The following HSH2D variants were observed in gnomAD, a reference collection of about 807,000 sequenced individuals.
HSH2D encodes the protein hematopoietic SH2 domain-containing protein.
A neutral mutation model predicts 21.5 loss-of-function variants in HSH2D; 16 were observed. That is an observed-to-expected ratio of 0.74 (90% confidence interval 0.50 to 1.13). The LOEUF is 1.13. Ranked by LOEUF, HSH2D falls within the 50% of genes most tolerant of loss-of-function variation. The pLI is 0.00. For synonymous variants in HSH2D, 172 were observed against 184.7 expected, an observed-to-expected ratio of 0.93 and a Z score of 0.56; for missense variants, 418 against 441.4, an observed-to-expected ratio of 0.95 and a Z score of 0.47.
At chr19:16,138,130 A>T (rs1253530886) in intron 1 of HSH2D, among the ~76,000 whole-genome samples, 1 of 152,136 alleles carries the variant, frequency 6.6e-6, no homozygotes, top group Non-Finnish European at 1.5e-5. Flanking sequence ...GGCCTCCCAA[A>T]GTGCTAGAAT....
chr19:16,147,004 T>C (rs1469627006), intron 1 of HSH2D, among the ~76,000 whole-genome samples: 1 of 151,892 alleles, frequency 6.6e-6, no homozygotes, highest in Non-Finnish European at 1.5e-5. Context: ...TTTTGTATTT[T>C]TAGTAGAGAT....
In HSH2D at chr19:16,157,658, G is replaced by T; in HGVS notation, c.923G>T (p.Ser308Ile). 6.2e-7 allele frequency: 1 copy of T among 1,613,610 alleles called. No homozygotes were observed. The highest frequency in any genetic ancestry group is 8.5e-7 in the Non-Finnish European group (1 of 1,179,736). The part of the protein sequence containing the change: ...SCIEVTPGDR[S>I]WHQMVVRALS... ...ATTGAGGTGACCCCAGGGGACAGGA[G>T]TTGGCACCAAATGGTAGTGAGAGCC... Residue 308 changes from serine to isoleucine, a missense_variant, in exon 6 of 6, where the codon AGT (serine) becomes ATT (isoleucine). Transcript: ENST00000613986. The surrounding 1 kb of genome is among the most constrained non-coding windows in gnomAD (Gnocchi z 4.4).
At chr19:16,148,656 T>G (rs2091104145) in intron 1 of HSH2D, 68 bp from the exon 2 acceptor site, 1 of 1,516,184 alleles carries the variant, frequency 6.6e-7, no homozygotes, top group African/African-American at 1.4e-5. Context: ...ACCACAAGCT[T>G]CAAGAATAGA....
chr19:16,156,911 A>C (rs2091243757), intron 5 of HSH2D, among the ~76,000 whole-genome samples: 1 of 151,846 alleles, frequency 6.6e-6, no homozygotes, highest in Non-Finnish European at 1.5e-5. Flanking sequence ...GCTTGAACCC[A>C]GGAGGTGGAG....
chr19:16,154,907 C>G (rs1321094387), intron 5 of HSH2D: 2 of 165,792 alleles, frequency 1.2e-5, no homozygotes, highest in Non-Finnish European at 2.7e-5. Flanking sequence ...TCACATTACC[C>G]TGTTTATTCA....
At chr19:16,151,325 CAAAAAA>C in intron 2 of HSH2D, 6 of 106,630 alleles carry the variant, frequency 5.6e-5, no homozygotes, top group Admixed American at 1.4e-4. Context: ...AACTCCAACT[CAAAAAA>C]AAAAAAAAAA....
upstream of HSH2D, chr19:16,142,184 C>T (rs2145016690): frequency 1.3e-5 from 2 of 152,238 alleles, no homozygotes; most frequent in East Asian, 3.9e-4. Context: ...CCAGCCTGTC[C>T]AGGCTCAATT....
chr19:16,157,918 A>G lies in HSH2D; in HGVS notation c.*124A>G, dbSNP rs2091259342. 5 of 691,904 alleles carry G rather than the reference A, an allele frequency of 7.2e-6. No homozygotes were observed. Among genetic ancestry groups the G allele is most frequent in the Admixed American group, 2.9e-5 (1 of 34,030 alleles). 42.9% of individuals were successfully genotyped at this position (691,904 alleles called of 1,614,324 possible). On this transcript the variant is annotated 3_prime_UTR_variant, in exon 6 of 6. Transcript: ENST00000613986. The surrounding 1 kb of genome is among the most constrained non-coding windows in gnomAD (Gnocchi z 4.4). Reference sequence around the variant, plus strand: ...GGGTCTTCGGGAACCCGGGAAATGGAATAAAGATGTTTTTGGGGTCTGTTC... The same window carrying G: ...GGGTCTTCGGGAACCCGGGAAATGGGATAAAGATGTTTTTGGGGTCTGTTC...
At chr19:16,137,659 G>A (rs1265939306) in intron 1 of HSH2D, among the ~76,000 whole-genome samples, 1 of 151,706 alleles carries the variant, frequency 6.6e-6, no homozygotes, top group African/African-American at 2.4e-5. Flanking sequence ...ATGGCTCACT[G>A]CAGCCTCAAC....
rs1398720056 is a variant in HSH2D at position 16,153,060 on chromosome 19, G to T, written c.233G>T (p.Cys78Phe). 1 of 1,610,976 alleles carries T rather than the reference G, an allele frequency of 6.2e-7. No homozygotes were observed. The highest frequency in any genetic ancestry group is 8.5e-7 in the Non-Finnish European group (1 of 1,178,712). ...CTCCGCAGAGCCCAAAGCAGCTGCT[G>T]CCATTTCATGGTGAAGCTCTTGGAT... The part of the protein sequence containing the change: ...TLSYKAQSSC[C>F]HFMVKLLDDG... Residue 78 changes from cysteine to phenylalanine, a missense_variant, in exon 4 of 6, where the codon TGC becomes TTC. Transcript: ENST00000613986.
chr19:16,149,022 G>A, intron 2 of HSH2D, 147 bp downstream of exon 2: 1 of 839,340 alleles, frequency 1.2e-6, no homozygotes. Context: ...TCCCAGGCTT[G>A]AATCCTGCCA....
chr19:16,149,157 A>C (rs2091113444), intron 2 of HSH2D, among the ~76,000 whole-genome samples: 1 of 152,192 alleles, frequency 6.6e-6, no homozygotes, highest in African/African-American at 2.4e-5. Context: ...CACCTCGCCC[A>C]GGCCAAGCAT....
chr19:16,152,503 C>T (rs370423766), intron 2 of HSH2D, 49 bp from the exon 3 acceptor site: 7 of 1,207,730 alleles, frequency 5.8e-6, no homozygotes, highest in African/African-American at 4.6e-5. Flanking sequence ...CTAACTGGTA[C>T]GTGGGGCGGC....
intron 1 of HSH2D, among the ~76,000 whole-genome samples, chr19:16,135,167 G>A (rs2090953492): frequency 6.6e-6 from 1 of 152,132 alleles, no homozygotes. Context: ...AACTACTCAG[G>A]AGGCTGAGGC....
chr19:16,154,165 T>G (rs977203527), intron 4 of HSH2D, among the ~76,000 whole-genome samples: 3 of 151,778 alleles, frequency 2.0e-5, no homozygotes, highest in Admixed American at 1.3e-4. Context: ...GTGGCCTAGC[T>G]CCCAAGAACG....
chr19:16,150,747 A>C (rs1044378437), intron 2 of HSH2D, among the ~76,000 whole-genome samples: 4 of 151,636 alleles, frequency 2.6e-5, no homozygotes, highest in Non-Finnish European at 5.9e-5. Context: ...GGTTCTGGCT[A>C]CTCAGGAGGC....
intron 5 of HSH2D, among the ~76,000 whole-genome samples, chr19:16,156,937 G>A (rs1196243471): frequency 1.3e-5 from 2 of 151,590 alleles, no homozygotes; most frequent in African/African-American, 4.9e-5. Context: ...AGTGAGCCGA[G>A]ATTGTGCCAC....
intron 5 of HSH2D, chr19:16,154,722 G>A: frequency 2.5e-6 from 1 of 399,368 alleles, no homozygotes; most frequent in Non-Finnish European, 4.7e-6. Context: ...CATACCGTCT[G>A]TTGTTCAGAC....
rs1056671548 is a variant in HSH2D at position 16,157,734 on chromosome 19, G to A, written c.999G>A (p.Glu333=). The A allele has an allele frequency of 6.2e-7, 1 of 1,612,846 alleles. No individual in the cohort carries two copies. Among genetic ancestry groups the A allele is most frequent in the Non-Finnish European group, 8.5e-7 (1 of 1,179,710 alleles). ...AGCACCAGGGCTTGGCAGAGCCTGA[G>A]AACGACCAGCTCCCGGAGGAGTACC... ...KPEHQGLAEP[E]NDQLPEEYQQ... Residue 333 remains glutamate, a synonymous_variant, in exon 6 of 6, where the codon GAG becomes GAA. Coordinates refer to ENST00000613986, the MANE Select transcript of HSH2D (RefSeq NM_001382417.1). This position sits in a 1 kb window ranked among gnomAD's most constrained non-coding sequence, Gnocchi z 4.4.
Sources: allele counts gnomAD v4.1 joint callset (sites outside exome capture counted in the v4.1 genomes callset), GRCh38; gene constraint gnomAD v4.1.1; non-coding constraint Gnocchi (gnomAD v3.1); transcripts MANE v1.5; gene names NCBI Gene and HGNC (gene_info 2026-07-23, HGNC 2026-07-21).